The following GRM7 variants were observed in gnomAD, a reference collection of about 807,000 sequenced individuals.
The protein encoded by GRM7 is glutamate metabotropic receptor 7.
Under a neutral mutation model 84.5 loss-of-function variants are expected in GRM7, and 35 were observed. The ratio of observed to expected loss-of-function variants is 0.41; its 90% CI spans 0.32 to 0.55. The LOEUF (loss-of-function observed/expected upper bound fraction) is 0.55, where lower values mean the gene tolerates loss of function less well. Ranked by LOEUF, GRM7 falls within the 20% of genes least tolerant of loss-of-function variation. The pLI, the probability that GRM7 is intolerant of heterozygous loss-of-function variation, is 0.19. For missense variants in GRM7, 1,003 were observed against 1,194.6 expected (o/e 0.84, Z 2.36); for synonymous variants, 487 against 455.1 (o/e 1.07, Z -0.89).
intron 7 of GRM7, among the ~76,000 whole-genome samples, chr3:7,491,341 A>G (rs1030224962): frequency 2.0e-5 from 3 of 152,070 alleles, no homozygotes; most frequent in Admixed American, 2.0e-4. Context: ...GGATTATTTT[A>G]TACTTTTCCA....
intron 2 of GRM7, among the ~76,000 whole-genome samples, chr3:7,204,524 AG>A (rs1337766955): frequency 1.3e-5 from 2 of 152,238 alleles, no homozygotes; most frequent in African/African-American, 4.8e-5. Flanking sequence ...CCGTTAGCTT[AG>A]TCAGCTCTGG....
intron 8 of GRM7, among the ~76,000 whole-genome samples, chr3:7,625,944 C>CA (rs983219156): frequency 6.6e-6 from 1 of 152,066 alleles, no homozygotes; most frequent in African/African-American, 2.4e-5. Flanking sequence ...AGAGAACAAC[C>CA]ATTGAGGCAA....
intron 8 of GRM7, among the ~76,000 whole-genome samples, chr3:7,650,191 C>T (rs1482219526): frequency 1.4e-5 from 2 of 144,816 alleles, no homozygotes; most frequent in African/African-American, 2.4e-5. Flanking sequence ...TAGTGTTTCT[C>T]AAAAGCTTGC....
chr3:7,003,504 AT>A, intron 1 of GRM7, among the ~76,000 whole-genome samples: 1 of 152,204 alleles, frequency 6.6e-6, no homozygotes, highest in East Asian at 1.9e-4. Context: ...CTCAAAGATT[AT>A]ACCATAAAAA....
In GRM7 at chr3:7,077,598, G is replaced by A. The variant is rs554024392; in HGVS notation, c.520-68854G>A. On this transcript the variant is annotated intron_variant, in intron 1 of 9. Transcript: ENST00000357716. Reference sequence around the variant, plus strand: ...GGGGTGGGGGGCTAGGGGAGGGATAGCATTAAGAGAAATACCTAGTGTAGA... The same window carrying A: ...GGGGTGGGGGGCTAGGGGAGGGATAACATTAAGAGAAATACCTAGTGTAGA... 2.0e-3 allele frequency among the ~76,000 whole-genome samples: 299 copies of A among 152,082 alleles called. 3 individuals carry two copies. The Middle Eastern group carries it at 0.021, about 10-fold the overall frequency.
intron 1 of GRM7, among the ~76,000 whole-genome samples, chr3:7,047,000 C>T (rs1296465963): frequency 6.6e-6 from 1 of 151,938 alleles, no homozygotes; most frequent in Non-Finnish European, 1.5e-5. Flanking sequence ...TTGTTAAATA[C>T]ATTTGAGCCA....
At chr3:7,042,787 T>C (rs1696676290) in intron 1 of GRM7, among the ~76,000 whole-genome samples, 1 of 152,194 alleles carries the variant, frequency 6.6e-6, no homozygotes, top group Non-Finnish European at 1.5e-5. Context: ...CTGGATTCAT[T>C]TCAATTGATT....
At chr3:7,440,151 C>T (rs921498184) in intron 5 of GRM7, among the ~76,000 whole-genome samples, 1 of 152,084 alleles carries the variant, frequency 6.6e-6, no homozygotes, top group Non-Finnish European at 1.5e-5. Context: ...AGTAAAGCTT[C>T]AAAGGGAGGC....
chr3:6,996,881 G>A (rs960684714), intron 1 of GRM7, among the ~76,000 whole-genome samples: 1 of 152,126 alleles, frequency 6.6e-6, no homozygotes, highest in Admixed American at 6.5e-5. Flanking sequence ...AAAAGCTAGT[G>A]AATTGACAAG....
At chr3:7,504,399 C>A (rs111806463) in intron 7 of GRM7, among the ~76,000 whole-genome samples, 4 of 152,164 alleles carry the variant, frequency 2.6e-5, no homozygotes, top group Non-Finnish European at 2.9e-5. Flanking sequence ...TTATACTCCC[C>A]CATCTTAGAG....
At chr3:7,087,688 A>G (rs897518125) in intron 1 of GRM7, among the ~76,000 whole-genome samples, 1 of 151,832 alleles carries the variant, frequency 6.6e-6, no homozygotes, top group African/African-American at 2.4e-5. Context: ...ACATGTTCTG[A>G]GAGCTGAAAG....
intron 1 of GRM7, among the ~76,000 whole-genome samples, chr3:6,926,773 A>G (rs1192581717): frequency 6.6e-6 from 1 of 152,234 alleles, no homozygotes; most frequent in Non-Finnish European, 1.5e-5. Context: ...TATGCAAGGG[A>G]TAAACCAGGA....
At chr3:7,572,709 C>T (rs1218582265) in intron 7 of GRM7, among the ~76,000 whole-genome samples, 1 of 149,616 alleles carries the variant, frequency 6.7e-6, no homozygotes, top group Admixed American at 6.7e-5. Flanking sequence ...GTAGTCCTAG[C>T]TACTCAGGAG....
chr3:7,221,551 T>C (rs1464531318), intron 2 of GRM7, among the ~76,000 whole-genome samples: 1 of 151,980 alleles, frequency 6.6e-6, no homozygotes, highest in Non-Finnish European at 1.5e-5. Context: ...CTTCTAAGGG[T>C]TCTGCATTTT....
At chr3:7,324,188 T>C (rs1700894076) in intron 4 of GRM7, among the ~76,000 whole-genome samples, 1 of 152,202 alleles carries the variant, frequency 6.6e-6, no homozygotes, top group African/African-American at 2.4e-5. Flanking sequence ...GCAATGGTGG[T>C]CAGCATCATG....
intron 8 of GRM7, among the ~76,000 whole-genome samples, chr3:7,644,178 A>G (rs904949443): frequency 8.9e-5 from 1 of 11,196 alleles, no homozygotes; most frequent in African/African-American, 1.9e-3. Flanking sequence ...GTCTGTACAT[A>G]TATATATGTC....
intron 2 of GRM7, among the ~76,000 whole-genome samples, chr3:7,182,187 T>C (rs922768818): frequency 2.6e-5 from 4 of 152,026 alleles, no homozygotes; most frequent in Non-Finnish European, 5.9e-5. Context: ...TGCAGCTTAT[T>C]AAAAAAAGCT....
At chr3:7,330,637 A>G (rs1701168982) in intron 4 of GRM7, among the ~76,000 whole-genome samples, 1 of 152,070 alleles carries the variant, frequency 6.6e-6, no homozygotes, top group South Asian at 2.1e-4. Flanking sequence ...TTCCCCTTTC[A>G]TTTGGCTGTC....
At chr3:7,676,602 G>A (rs1700132474) in intron 8 of GRM7, among the ~76,000 whole-genome samples, 1 of 151,970 alleles carries the variant, frequency 6.6e-6, no homozygotes, top group South Asian at 2.1e-4. Context: ...GGGATTACAG[G>A]CACCCGCCAC....
Sources: gnomAD v4.1 joint callset for allele counts (sites outside exome capture counted in the v4.1 genomes callset) on GRCh38, gnomAD v4.1.1 for gene constraint, MANE v1.5 for transcripts, NCBI Gene and HGNC (gene_info 2026-07-23, HGNC 2026-07-21) for gene names.